Variants in FAF1 observed in about 807,000 individuals in gnomAD.
FAF1 encodes Fas associated factor 1.
Under a neutral mutation model 92.5 loss-of-function variants are expected in FAF1, and 25 were observed. The ratio of observed to expected loss-of-function variants is 0.27; its 90% CI spans 0.20 to 0.38. The LOEUF is 0.38. Ranked by LOEUF, FAF1 falls within the 10% of genes least tolerant of loss-of-function variation. FAF1 has a pLI of 1.00. For synonymous variants in FAF1, 234 were observed against 273.2 expected, an observed-to-expected ratio of 0.86 and a Z score of 1.42; for missense variants, 636 against 793.3, an observed-to-expected ratio of 0.80 and a Z score of 2.38.
Position 50,703,594 on chromosome 1 carries a change from GA to G in FAF1, c.657+2191del, listed in dbSNP as rs200914643. Among the ~76,000 whole-genome samples the G allele has an allele frequency of 4.0e-3, 600 of 151,454 alleles. 4 individuals are homozygous for G. The highest frequency in any genetic ancestry group is 0.014 in the African/African-American group (581 of 41,374). Reference sequence around the variant, plus strand: ...ATATTATTTTAAATTAACTTAAAGGGAAAAAAAGGAAAAAGGAGAAGAAACC... The same window carrying G: ...ATATTATTTTAAATTAACTTAAAGGGAAAAAAGGAAAAAGGAGAAGAAACC... On this transcript the variant is annotated intron_variant, in intron 7 of 18. Coordinates refer to ENST00000396153, the MANE Select transcript of FAF1 (RefSeq NM_007051.3).
intron 4 of FAF1, among the ~76,000 whole-genome samples, chr1:50,754,993 A>G (rs796292398): frequency 9.2e-5 from 14 of 152,254 alleles, no homozygotes; most frequent in African/African-American, 3.4e-4. Flanking sequence ...AACACGTGGG[A>G]ATTCAAGATG....
At chr1:50,589,047 C>T (rs982414062) in intron 9 of FAF1, among the ~76,000 whole-genome samples, 2 of 152,168 alleles carry the variant, frequency 1.3e-5, no homozygotes, top group Non-Finnish European at 2.9e-5. Context: ...GCTGCAGGGC[C>T]ATCTGTGATT....
chr1:50,440,665 A>G lies in FAF1; in HGVS notation c.*775T>C, dbSNP rs1417035161. On this transcript the variant is annotated 3_prime_UTR_variant, in exon 19 of 19. Coordinates refer to ENST00000396153, the MANE Select transcript of FAF1 (RefSeq NM_007051.3). ...GTATCTGTGAGGTTCTAACTGCCCAAATGCAAACCTAACAGTAGCCTCTTG... is the reference window on the plus strand; with the variant it reads ...GTATCTGTGAGGTTCTAACTGCCCAGATGCAAACCTAACAGTAGCCTCTTG... 6.6e-6 allele frequency: 1 copy of G among 152,236 alleles called. No homozygotes were observed. The highest frequency in any genetic ancestry group is 1.5e-5 in the Non-Finnish European group (1 of 68,054). The allele number at this position is 152,236 out of a possible 1,614,324, so 9.4% of individuals were successfully genotyped here. A position where few individuals can be genotyped will look rare whatever the true frequency, so the allele number is the denominator to read the frequency against.
chr1:50,794,766 G>C (rs1280986178), intron 3 of FAF1, among the ~76,000 whole-genome samples: 2 of 151,562 alleles, frequency 1.3e-5, no homozygotes, highest in Non-Finnish European at 2.9e-5. Context: ...TGGGATTACA[G>C]GTGCCCACCA....
intron 4 of FAF1, among the ~76,000 whole-genome samples, chr1:50,778,630 T>C (rs993007492): frequency 6.6e-6 from 1 of 152,012 alleles, no homozygotes; most frequent in Admixed American, 6.6e-5. Context: ...TAAGTGAAAG[T>C]GGATCATCTT....
intron 13 of FAF1, among the ~76,000 whole-genome samples, chr1:50,541,145 T>A (rs1454672220): frequency 5.9e-5 from 9 of 152,196 alleles, no homozygotes; most frequent in African/African-American, 2.2e-4. Flanking sequence ...ACATTTTCTG[T>A]CTATAGAAAT....
chr1:50,592,351 G>C (rs1321154942), intron 9 of FAF1, among the ~76,000 whole-genome samples: 3 of 151,818 alleles, frequency 2.0e-5, no homozygotes, highest in East Asian at 1.9e-4. Context: ...AAGGAGCCAG[G>C]GTCAACAAGG....
intron 4 of FAF1, among the ~76,000 whole-genome samples, chr1:50,752,715 T>C (rs976464056): frequency 3.2e-4 from 49 of 152,092 alleles, no homozygotes; most frequent in African/African-American, 1.1e-3. Context: ...GACAGTCTCA[T>C]TTTGTCACCC....
chr1:50,913,995 A>G (rs915851190), intron 1 of FAF1, among the ~76,000 whole-genome samples: 1 of 152,212 alleles, frequency 6.6e-6, no homozygotes, highest in Non-Finnish European at 1.5e-5. Context: ...AAAAATGTCT[A>G]TCTCTTTGTA....
At chr1:50,592,473 G>T (rs1251174521) in intron 9 of FAF1, among the ~76,000 whole-genome samples, 2 of 151,936 alleles carry the variant, frequency 1.3e-5, no homozygotes, top group East Asian at 1.9e-4. Context: ...AGGATGAGAA[G>T]AAAAAATATT....
chr1:50,597,881 G>C (rs1651905197), intron 8 of FAF1, among the ~76,000 whole-genome samples: 1 of 152,120 alleles, frequency 6.6e-6, no homozygotes, highest in Non-Finnish European at 1.5e-5. Flanking sequence ...ATCCCTAAAG[G>C]AACTTTTTCT....
chr1:50,723,987 G>T (rs570525407), intron 6 of FAF1, among the ~76,000 whole-genome samples: 171 of 152,126 alleles, frequency 1.1e-3, no homozygotes, highest in African/African-American at 3.7e-3. Flanking sequence ...GACCTCAGGT[G>T]ATCCACCTGC....
At chr1:50,669,057 C>G (rs1183471525) in intron 7 of FAF1, among the ~76,000 whole-genome samples, 1 of 151,992 alleles carries the variant, frequency 6.6e-6, no homozygotes, top group Non-Finnish European at 1.5e-5. Flanking sequence ...CACAGTATAC[C>G]CCTATTCATT....
intron 7 of FAF1, among the ~76,000 whole-genome samples, chr1:50,669,460 G>C (rs1244628429): frequency 6.6e-6 from 1 of 152,134 alleles, no homozygotes; most frequent in Non-Finnish European, 1.5e-5. Flanking sequence ...TGACTGTATT[G>C]ATCACAGAAC....
intron 1 of FAF1, among the ~76,000 whole-genome samples, chr1:50,922,818 CAAAAAAAAAA>C (rs754253837): frequency 1.8e-5 from 1 of 56,886 alleles, no homozygotes; most frequent in African/African-American, 6.0e-5. Context: ...GAATCCACCA[CAAAAAAAAAA>C]AAAAAAAAAA....
Position 50,679,491 on chromosome 1 carries a change from C to T in FAF1, c.658-23963G>A, listed in dbSNP as rs116517024. Among the ~76,000 whole-genome samples, 1,275 of 150,946 alleles carry T rather than the reference C, an allele frequency of 8.4e-3. 17 individuals are homozygous for T. Among genetic ancestry groups the T allele is most frequent in the African/African-American group, 0.029 (1,178 of 41,210 alleles). On this transcript the variant is annotated intron_variant, in intron 7 of 18. Transcript: ENST00000396153. ...CTAAGGATTTGCCCAACAGATGATC[C>T]TGCCTCTCTACTCAGACATTTAACA...
At chr1:50,786,321 T>A (rs997248084) in intron 4 of FAF1, among the ~76,000 whole-genome samples, 3 of 152,160 alleles carry the variant, frequency 2.0e-5, no homozygotes, top group Non-Finnish European at 2.9e-5. Context: ...TATATAAGCA[T>A]TGAGGACATT....
intron 15 of FAF1, among the ~76,000 whole-genome samples, chr1:50,531,375 T>C (rs1005938390): frequency 2.6e-5 from 4 of 152,184 alleles, no homozygotes; most frequent in Non-Finnish European, 5.9e-5. Flanking sequence ...ACAAACTAAG[T>C]ATCACAAACT....
chr1:50,751,706 A>G (rs1278570404), intron 4 of FAF1, among the ~76,000 whole-genome samples: 1 of 152,188 alleles, frequency 6.6e-6, no homozygotes, highest in Non-Finnish European at 1.5e-5. Flanking sequence ...AAACGTATTT[A>G]TACATTTTAT....
Sources: allele counts gnomAD v4.1 joint callset (sites outside exome capture counted in the v4.1 genomes callset), GRCh38; gene constraint gnomAD v4.1.1; transcripts MANE v1.5; gene names NCBI Gene and HGNC (gene_info 2026-07-23, HGNC 2026-07-21).